Variants in AGAP1 observed in about 807,000 individuals in gnomAD.
AGAP1 encodes the protein ArfGAP with GTPase domain, ankyrin repeat and PH domain 1.
A neutral mutation model predicts 105.3 loss-of-function variants in AGAP1; 29 were observed. The observed-to-expected ratio is 0.28, with a 90% CI of 0.21 to 0.38. AGAP1 has a LOEUF of 0.38. Among genes scored for constraint, AGAP1 ranks in the 10% least tolerant of loss-of-function variants. The pLI is 1.00. For synonymous variants in AGAP1, 509 were observed against 485.9 expected, an observed-to-expected ratio of 1.05 and a Z score of -0.63; for missense variants, 998 against 1,165.1, an observed-to-expected ratio of 0.86 and a Z score of 2.09.
intron 10 of AGAP1, among the ~76,000 whole-genome samples, chr2:235,894,496 T>C (rs989446547): frequency 6.6e-6 from 1 of 152,206 alleles, no homozygotes; most frequent in Non-Finnish European, 1.5e-5. Context: ...ACTGCAGCTC[T>C]GCCTCTTCCC....
Position 235,955,465 on chromosome 2 carries a change from CA to C in AGAP1, c.1484-12993del, listed in dbSNP as rs559377366. Among the ~76,000 whole-genome samples, 3 of 152,286 alleles carry C rather than the reference CA, an allele frequency of 2.0e-5. No individual in the cohort carries two copies. In the South Asian group the frequency reaches 6.2e-4, roughly 32 times the overall value. On this transcript the variant is annotated intron_variant, in intron 12 of 17. Coordinates refer to ENST00000304032, the MANE Select transcript of AGAP1 (RefSeq NM_001037131.3). ...TGCTCATGTTCATGAGCCTGTGTCT[CA>C]AAAGCTGCCCCAAAGTCATAATCCT...
Position 235,691,500 on chromosome 2 carries a change from T to G in AGAP1, c.164-17679T>G, listed in dbSNP as rs554359505. ...GATGTGCCAACATTTAGTCGGATTC[T>G]GTGACTGGTCGTGAGTCCCTCTTCC... On this transcript the variant is annotated intron_variant, in intron 1 of 17. Coordinates refer to ENST00000304032, the MANE Select transcript of AGAP1 (RefSeq NM_001037131.3). This position sits in a 1 kb window ranked among gnomAD's most constrained non-coding sequence, Gnocchi z 4.4. Among the ~76,000 whole-genome samples, 1 of 152,260 alleles carries G rather than the reference T, an allele frequency of 6.6e-6. No homozygotes were observed. The highest frequency in any genetic ancestry group is 1.9e-4 in the East Asian group (1 of 5,200).
Position 235,728,947 on chromosome 2 carries a change from C to T in AGAP1, c.310+11303C>T, listed in dbSNP as rs1266355116. On this transcript the variant is annotated intron_variant, in intron 3 of 17. Transcript: ENST00000304032. The surrounding 1 kb of genome is among the most constrained non-coding windows in gnomAD (Gnocchi z 4.3). ...AAAACCCAGGCGTGATGTGACCACA[C>T]CATCTGGCAGGGGACCAGGCCAGCT... Among the ~76,000 whole-genome samples the T allele has an allele frequency of 6.6e-6, 1 of 151,520 alleles. No homozygotes were observed. The highest frequency in any genetic ancestry group is 1.5e-5 in the Non-Finnish European group (1 of 68,042).
intron 11 of AGAP1, among the ~76,000 whole-genome samples, chr2:235,911,793 T>C (rs1012948451): frequency 7.9e-5 from 12 of 152,196 alleles, no homozygotes; most frequent in Admixed American, 7.9e-4. Context: ...GCCCTCAGTG[T>C]GTAACAGGAC....
chr2:235,922,257 A>G (rs61369859), intron 11 of AGAP1, among the ~76,000 whole-genome samples: 1,594 of 152,304 alleles, frequency 0.01, 23 homozygotes, highest in African/African-American at 0.033. Context: ...ATTCTTGTCA[A>G]TCATATTCCT....
At chr2:235,627,885 G>A (rs957797174) in intron 1 of AGAP1, among the ~76,000 whole-genome samples, 7 of 152,204 alleles carry the variant, frequency 4.6e-5, no homozygotes, top group African/African-American at 1.7e-4. Context: ...AGAAAAATAT[G>A]TCCTATAATC....
At chr2:235,804,081 A>G (rs561761533) in intron 8 of AGAP1, among the ~76,000 whole-genome samples, 1 of 152,354 alleles carries the variant, frequency 6.6e-6, no homozygotes, top group South Asian at 2.1e-4. Context: ...TGCTACTGCA[A>G]GAAATAAGCA....
At chr2:235,831,111 C>T (rs929936774) in intron 9 of AGAP1, among the ~76,000 whole-genome samples, 5 of 151,078 alleles carry the variant, frequency 3.3e-5, no homozygotes, top group Admixed American at 3.3e-4. Context: ...GCTCTCTGCA[C>T]TGATGACAGC....
chr2:235,844,297 G>T (rs1575600021), intron 9 of AGAP1, among the ~76,000 whole-genome samples: 1 of 152,282 alleles, frequency 6.6e-6, no homozygotes, highest in African/African-American at 2.4e-5. Flanking sequence ...TGGGTTTGGA[G>T]GGGGCAAGGG....
At chr2:235,995,277 A>G (rs891313669) in intron 13 of AGAP1, among the ~76,000 whole-genome samples, 1 of 151,548 alleles carries the variant, frequency 6.6e-6, no homozygotes, top group Non-Finnish European at 1.5e-5. Context: ...CACTTTGGGG[A>G]GCCGAGGTGG....
In AGAP1 at chr2:236,131,247, C is replaced by T. The variant is rs1019182906; in HGVS notation, c.*7125C>T. 5.9e-5 allele frequency: 9 copies of T among 152,232 alleles called. No homozygotes were observed. The highest frequency in any genetic ancestry group is 2.2e-4 in the African/African-American group (9 of 41,438). The allele number at this position is 152,232 out of a possible 1,614,324, so 9.4% of individuals were successfully genotyped here. On this transcript the variant is annotated 3_prime_UTR_variant, in exon 18 of 18. Transcript: ENST00000304032. This position sits in a 1 kb window ranked among gnomAD's most constrained non-coding sequence, Gnocchi z 5.9. Reference sequence around the variant, plus strand: ...CTGGAGAGGGGAGGGTCGCACGGGTCCCGGGGGCAGGTCTCCTGCACTGGC... The same window carrying T: ...CTGGAGAGGGGAGGGTCGCACGGGTTCCGGGGGCAGGTCTCCTGCACTGGC...
intron 1 of AGAP1, among the ~76,000 whole-genome samples, chr2:235,688,193 A>G (rs1949562126): frequency 6.6e-6 from 1 of 152,172 alleles, no homozygotes; most frequent in Admixed American, 6.5e-5. Flanking sequence ...GGCGTGAGCC[A>G]CCACGCCCAG....
rs912837280 is a variant in AGAP1, at chr2:235,872,803, A to G, written c.1051-10542A>G. 1.3e-5 allele frequency among the ~76,000 whole-genome samples: 2 copies of G among 152,204 alleles called. No homozygotes were observed. The highest frequency in any genetic ancestry group is 4.8e-5 in the African/African-American group (2 of 41,450). The stretch of plus-strand genomic sequence containing the variant: ...ATTGGTTTCCATTTAGCTGCTGCAC[A>G]TGGGGGATGCTGAGTGTGTTCAGAG... On this transcript the variant is annotated intron_variant, in intron 9 of 17. Coordinates refer to ENST00000304032, the MANE Select transcript of AGAP1 (RefSeq NM_001037131.3). This position sits in a 1 kb window ranked among gnomAD's most constrained non-coding sequence, Gnocchi z 4.5.
In AGAP1 at chr2:235,716,098, G is replaced by A. The variant is rs1951091234; in HGVS notation, c.223-1459G>A. 6.6e-6 allele frequency among the ~76,000 whole-genome samples: 1 copy of A among 152,202 alleles called. No individual in the cohort carries two copies. The highest frequency in any genetic ancestry group is 1.5e-5 in the Non-Finnish European group (1 of 68,040). ...CCCCCACATCCAACCTTCTATCAAT[G>A]AGTTATGATTCCAGAGTCTGCAGGG... On this transcript the variant is annotated intron_variant, in intron 2 of 17. Transcript: ENST00000304032. The surrounding 1 kb of genome is among the most constrained non-coding windows in gnomAD (Gnocchi z 4.0).
chr2:236,112,782 A>C (rs2059682625), intron 16 of AGAP1, among the ~76,000 whole-genome samples: 1 of 152,188 alleles, frequency 6.6e-6, no homozygotes, highest in African/African-American at 2.4e-5. Flanking sequence ...CTCAGCATCC[A>C]TCTTTTTCCA....
At position 235,664,104 on chromosome 2, in the gene AGAP1, G is replaced by A. The variant is rs868398369; in HGVS notation, c.164-45075G>A. 6.6e-6 allele frequency among the ~76,000 whole-genome samples: 1 copy of A among 152,214 alleles called. No individual in the cohort carries two copies. The highest frequency in any genetic ancestry group is 1.5e-5 in the Non-Finnish European group (1 of 68,042). On this transcript the variant is annotated intron_variant, in intron 1 of 17. Coordinates refer to ENST00000304032, the MANE Select transcript of AGAP1 (RefSeq NM_001037131.3). The surrounding 1 kb of genome is among the most constrained non-coding windows in gnomAD (Gnocchi z 5.7). ...CTGTGGCCAGTGCCTGGCAGCTAGCGAGTGGCCAGAACTGGGAGCTGCTGT... is the reference window on the plus strand; with the variant it reads ...CTGTGGCCAGTGCCTGGCAGCTAGCAAGTGGCCAGAACTGGGAGCTGCTGT...
chr2:236,127,222 A>C lies in AGAP1; in HGVS notation c.*3100A>C, dbSNP rs1356965282. 1 of 152,168 alleles carries C rather than the reference A, an allele frequency of 6.6e-6. No individual in the cohort carries two copies. Among genetic ancestry groups the C allele is most frequent in the Non-Finnish European group, 1.5e-5 (1 of 68,042 alleles). The allele number at this position is 152,168 out of a possible 1,614,324, so 9.4% of individuals were successfully genotyped here. On this transcript the variant is annotated 3_prime_UTR_variant, in exon 18 of 18. Transcript: ENST00000304032. The surrounding 1 kb of genome is among the most constrained non-coding windows in gnomAD (Gnocchi z 6.6). ...GCTGCAGCAGAAACACCCCGCAGGG[A>C]CAGTACTCTGTGATTCTGACCTCAG... is the stretch of plus-strand genomic sequence containing the variant.
intron 6 of AGAP1, chr2:235,773,868 C>T: frequency 2.3e-6 from 1 of 442,030 alleles, no homozygotes; most frequent in Non-Finnish European, 4.6e-6. Flanking sequence ...AAAATATTGC[C>T]AACATTTATT....
At chr2:235,522,584 C>T (rs1304248415) in intron 1 of AGAP1, among the ~76,000 whole-genome samples, 2 of 152,052 alleles carry the variant, frequency 1.3e-5, no homozygotes, top group African/African-American at 2.4e-5. Flanking sequence ...GAGACTTGAG[C>T]TTGATGAGTG....
Sources: allele counts gnomAD v4.1 joint callset (sites outside exome capture counted in the v4.1 genomes callset), GRCh38; gene constraint gnomAD v4.1.1; non-coding constraint Gnocchi (gnomAD v3.1); transcripts MANE v1.5; gene names NCBI Gene and HGNC (gene_info 2026-07-23, HGNC 2026-07-21).